The following NCOA1 variants were observed in gnomAD, a reference collection of about 807,000 sequenced individuals.
NCOA1 encodes the protein Hin-2 protein.
NCOA1 carries 35 observed loss-of-function variants against 150.9 expected under a neutral mutation model. The observed-to-expected ratio is 0.23, with a 90% CI of 0.18 to 0.31. The LOEUF (loss-of-function observed/expected upper bound fraction) is 0.31. Among genes scored for constraint, NCOA1 ranks in the 10% least tolerant of loss-of-function variants. The pLI is 1.00. For synonymous variants in NCOA1, 590 were observed against 630.0 expected (o/e 0.94, Z 0.95); for missense variants, 1,491 against 1,749.3 (o/e 0.85, Z 2.63).
At chr2:24,621,473 A>T (rs1178722908) in intron 3 of NCOA1, among the ~76,000 whole-genome samples, 2 of 83,104 alleles carry the variant, frequency 2.4e-5, no homozygotes, top group Admixed American at 2.0e-4. Context: ...TTTGAGACAG[A>T]GTTTCCGTCT....
At chr2:24,735,806 G>T (rs905235144) in intron 17 of NCOA1, among the ~76,000 whole-genome samples, 2 of 152,128 alleles carry the variant, frequency 1.3e-5, no homozygotes, top group Admixed American at 6.5e-5. Context: ...TGTAATACCC[G>T]CTTACTCCTC....
At chr2:24,714,936 A>G (rs1387354308) in intron 14 of NCOA1, among the ~76,000 whole-genome samples, 1 of 152,160 alleles carries the variant, frequency 6.6e-6, no homozygotes, top group Admixed American at 6.5e-5. Context: ...AATCAAAGAA[A>G]AATGACACAT....
At chr2:24,547,341 G>C (rs972032521) in intron 1 of NCOA1, among the ~76,000 whole-genome samples, 1 of 152,030 alleles carries the variant, frequency 6.6e-6, no homozygotes, top group East Asian at 1.9e-4. Flanking sequence ...CTATATATTC[G>C]TCTTGTCATT....
chr2:24,732,204 G>T (rs1663050127), intron 17 of NCOA1, among the ~76,000 whole-genome samples: 1 of 152,136 alleles, frequency 6.6e-6, no homozygotes, highest in Non-Finnish European at 1.5e-5. Context: ...CCCTGCAAAG[G>T]TATGAGAATA....
rs190513833 is a variant in NCOA1, at chr2:24,760,380, A to G, written c.4065+2224A>G. 6.2e-5 allele frequency among the ~76,000 whole-genome samples: 9 copies of G among 146,274 alleles called. No individual in the cohort carries two copies. In the East Asian group the frequency reaches 8.1e-4, roughly 13 times the overall value. On this transcript the variant is annotated intron_variant, in intron 21 of 22. Coordinates refer to ENST00000348332, the MANE Select transcript of NCOA1 (RefSeq NM_003743.5). ...CACTGTGTTAGCCAGGATGGTCTCA[A>G]TCTCCTGACATCATGTTCTGCCCGC... is the stretch of plus-strand genomic sequence containing the variant.
intron 3 of NCOA1, among the ~76,000 whole-genome samples, chr2:24,596,318 C>T (rs768418159): frequency 4.6e-5 from 7 of 151,964 alleles, no homozygotes; most frequent in Non-Finnish European, 1.0e-4. Context: ...TTAATAATAT[C>T]GGTTTGGTTA....
chr2:24,684,686 C>A (rs953960319), intron 8 of NCOA1, among the ~76,000 whole-genome samples: 1 of 152,102 alleles, frequency 6.6e-6, no homozygotes, highest in Non-Finnish European at 1.5e-5. Flanking sequence ...AATGGAAGAA[C>A]AGAAACATTG....
intron 20 of NCOA1, among the ~76,000 whole-genome samples, chr2:24,752,671 C>G (rs1263041023): frequency 1.3e-5 from 2 of 152,082 alleles, no homozygotes; most frequent in Non-Finnish European, 2.9e-5. Flanking sequence ...TATAAGAACA[C>G]TTTAAAATCT....
Position 24,524,184 on chromosome 2 carries a change from T to C in NCOA1, c.-396+32582T>C, listed in dbSNP as rs547759153. 2.3e-4 allele frequency among the ~76,000 whole-genome samples: 35 copies of C among 152,330 alleles called. 1 individual carries two copies. Among genetic ancestry groups the C allele is most frequent in the African/African-American group, 8.4e-4 (35 of 41,576 alleles). ...TAATTTGAGTAGGCAAATACATGTT[T>C]TTCAGATACTTCCGGTTAGGCTAAG... On this transcript the variant is annotated intron_variant, in intron 1 of 22. Coordinates refer to ENST00000348332, the MANE Select transcript of NCOA1 (RefSeq NM_003743.5).
chr2:24,606,357 C>T (rs1668364357), intron 3 of NCOA1, among the ~76,000 whole-genome samples: 1 of 152,116 alleles, frequency 6.6e-6, no homozygotes, highest in Non-Finnish European at 1.5e-5. Flanking sequence ...CTGTCTCAGC[C>T]TCCCAGGTAG....
intron 2 of NCOA1, among the ~76,000 whole-genome samples, chr2:24,581,387 G>A (rs1230536304): frequency 6.6e-6 from 1 of 152,226 alleles, no homozygotes; most frequent in Admixed American, 6.5e-5. Context: ...CCTTATTACA[G>A]CCGGAGGAGA....
chr2:24,734,736 TC>T (rs2148652551), intron 17 of NCOA1, among the ~76,000 whole-genome samples: 1 of 152,186 alleles, frequency 6.6e-6, no homozygotes, highest in South Asian at 2.1e-4. Flanking sequence ...GAGCCAGAGT[TC>T]AAGGCTGCAG....
At chr2:24,643,098 T>C (rs993857555) in intron 3 of NCOA1, among the ~76,000 whole-genome samples, 8 of 152,184 alleles carry the variant, frequency 5.3e-5, no homozygotes, top group African/African-American at 1.9e-4. Context: ...AAAAAAGACA[T>C]ACAAAAAATG....
intron 17 of NCOA1, among the ~76,000 whole-genome samples, chr2:24,738,497 C>T (rs1663438734): frequency 6.6e-6 from 1 of 152,138 alleles, no homozygotes; most frequent in Admixed American, 6.6e-5. Context: ...ATGCCTATGA[C>T]CTGGAACCCT....
chr2:24,710,387 C>T (rs900793577), intron 13 of NCOA1, among the ~76,000 whole-genome samples: 7 of 152,134 alleles, frequency 4.6e-5, no homozygotes, highest in East Asian at 1.9e-4. Flanking sequence ...CCATGGCACC[C>T]GGCCTCCCTA....
intron 3 of NCOA1, among the ~76,000 whole-genome samples, chr2:24,618,866 CTAATAGT>C (rs1233398594): frequency 6.6e-6 from 1 of 152,128 alleles, no homozygotes; most frequent in Non-Finnish European, 1.5e-5. Context: ...GCATGTCATG[CTAATAGT>C]CCCAAAGTGT....
At chr2:24,635,054 C>T (rs1354621352) in intron 3 of NCOA1, among the ~76,000 whole-genome samples, 7 of 152,026 alleles carry the variant, frequency 4.6e-5, no homozygotes, top group Non-Finnish European at 7.4e-5. Context: ...CTCTGGATTG[C>T]ACAGATGATC....
chr2:24,531,720 C>G (rs529340900), intron 1 of NCOA1, among the ~76,000 whole-genome samples: 11 of 152,190 alleles, frequency 7.2e-5, no homozygotes, highest in Middle Eastern at 6.8e-3. Context: ...GGTTTTCTGC[C>G]CATGTGATAG....
intron 1 of NCOA1, among the ~76,000 whole-genome samples, chr2:24,551,502 A>C (rs573874842): frequency 6.6e-6 from 1 of 152,154 alleles, no homozygotes; most frequent in East Asian, 1.9e-4. Flanking sequence ...TTGTGTTTTT[A>C]AGCATCATAT....
Sources: gnomAD v4.1 joint callset for allele counts (sites outside exome capture counted in the v4.1 genomes callset) on GRCh38, gnomAD v4.1.1 for gene constraint, MANE v1.5 for transcripts, NCBI Gene and HGNC (gene_info 2026-07-23, HGNC 2026-07-21) for gene names.